The following FBN2 variants were observed in gnomAD, a reference collection of about 807,000 sequenced individuals.
FBN2 encodes fibrillin-2.
In FBN2, 105 loss-of-function variants were observed where a neutral mutation model predicts 355.6. The observed-to-expected ratio is 0.30, with a 90% CI of 0.25 to 0.35. FBN2 has a LOEUF of 0.35. Among genes scored for constraint, FBN2 ranks in the 10% least tolerant of loss-of-function variants. The pLI is 1.00. For missense variants in FBN2, 3,280 were observed against 3,758.7 expected, an observed-to-expected ratio of 0.87 and a Z score of 3.33; for synonymous variants, 1,350 against 1,301.2, an observed-to-expected ratio of 1.04 and a Z score of -0.81.
chr5:128,340,151 A>G (rs1245349201), intron 25 of FBN2, among the ~76,000 whole-genome samples: 5 of 152,222 alleles, frequency 3.3e-5, no homozygotes, highest in South Asian at 2.1e-4. Context: ...CCTATTTACA[A>G]ATGTTTTAGT....
chr5:128,315,147 TTTTAAG>T (rs1750167378), intron 36 of FBN2, among the ~76,000 whole-genome samples: 1 of 152,200 alleles, frequency 6.6e-6, no homozygotes, highest in East Asian at 1.9e-4. Flanking sequence ...TTTTTAATAT[TTTTAAG>T]TCATTTTAAA....
chr5:128,537,581 C>T lies in FBN2; in HGVS notation c.23G>A (p.Cys8Tyr). Reference protein sequence around the residue: MGRRRRLCLQLYFLWLGC... With the variant: MGRRRRLYLQLYFLWLGC... The stretch of plus-strand genomic sequence containing the variant: ...CAGCCACAGGAAGTAGAGCTGGAGA[C>T]ACAGCCTCCGTCTTCTCCCCATCGC... Residue 8 changes from cysteine (C) to tyrosine (Y), a missense_variant, in exon 1 of 65, where the codon TGT becomes TAT. Transcript: ENST00000262464. 1 of 1,607,314 alleles carries T rather than the reference C, an allele frequency of 6.2e-7. No homozygotes were observed. Among genetic ancestry groups the T allele is most frequent in the Non-Finnish European group, 8.5e-7 (1 of 1,178,188 alleles).
At chr5:128,351,128 A>G (rs1435971144) in intron 20 of FBN2, 123 bp from the exon 21 acceptor site, 2 of 1,189,250 alleles carry the variant, frequency 1.7e-6, no homozygotes, top group Non-Finnish European at 2.5e-6. Flanking sequence ...CACGCCTGTA[A>G]TCCCAGCACT....
At chr5:128,499,123 T>C (rs1561486412) in intron 5 of FBN2, among the ~76,000 whole-genome samples, 1 of 152,122 alleles carries the variant, frequency 6.6e-6, no homozygotes, top group Non-Finnish European at 1.5e-5. Flanking sequence ...AACCTTAACA[T>C]AAAGTTGACT....
Position 128,263,555 on chromosome 5 carries a change from G to C in FBN2, c.8062C>G (p.Gln2688Glu), listed in dbSNP as rs539853433. 4 of 1,614,028 alleles carry C rather than the reference G, an allele frequency of 2.5e-6. No homozygotes were observed. The African/African-American group carries it at 5.3e-5, about 22-fold the overall frequency. ...ACGTCGTGGCAGGCACTGGAGAACT[G>C]GTCGAAGGAGAACCCCGAGGGGCAG... is the stretch of plus-strand genomic sequence containing the variant. ...CACPSGFSFDQFSSACHDVNE... is the reference protein window; with the variant it reads ...CACPSGFSFDEFSSACHDVNE... The change falls in exon 63 of 65, where the codon CAG (glutamine) becomes GAG (glutamate). Residue 2688 changes from glutamine to glutamate, a missense_variant. Gln to Glu is a conservative substitution (Grantham distance 29). This residue lies in a region of FBN2 where 311 missense variants were observed against 319.1 expected (regional missense o/e 0.97). Transcript: ENST00000262464.
chr5:128,438,764 T>A (rs1280137046), intron 7 of FBN2, among the ~76,000 whole-genome samples: 1 of 152,168 alleles, frequency 6.6e-6, no homozygotes, highest in Non-Finnish European at 1.5e-5. Context: ...AAATGGGTCT[T>A]CCCACCCCCA....
chr5:128,295,287 T>C, intron 48 of FBN2, among the ~76,000 whole-genome samples: 1 of 152,076 alleles, frequency 6.6e-6, no homozygotes, highest in Non-Finnish European at 1.5e-5. Flanking sequence ...CCAGCTTTGT[T>C]CTTTTGGCTC....
intron 7 of FBN2, among the ~76,000 whole-genome samples, chr5:128,420,013 T>C (rs1290534175): frequency 6.6e-6 from 1 of 152,172 alleles, no homozygotes; most frequent in East Asian, 1.9e-4. Context: ...CTTCTTTTTA[T>C]ATGGGGTTAA....
rs1355380467 is a variant in FBN2, at chr5:128,319,051, A to G, written c.4472-50T>C. 5 of 1,456,404 alleles carry G rather than the reference A, an allele frequency of 3.4e-6. No homozygotes were observed. The East Asian group carries it at 9.3e-5, about 27-fold the overall frequency. The allele number at this position is 1,456,404 out of a possible 1,614,324, so 90.2% of individuals were successfully genotyped here. On this transcript the variant is annotated intron_variant, in intron 34 of 64. Coordinates refer to ENST00000262464, the MANE Select transcript of FBN2 (RefSeq NM_001999.4). ...CTCTTATTTAAGAAGACATTTTAAA[A>G]TTTTAATGTAATGTCTAACATTAGC...
At chr5:128,436,992 T>C (rs968903530) in intron 7 of FBN2, among the ~76,000 whole-genome samples, 1 of 152,136 alleles carries the variant, frequency 6.6e-6, no homozygotes, top group East Asian at 1.9e-4. Context: ...CATGCTAACA[T>C]TGCTATGACC....
chr5:128,472,764 C>T (rs934705504), intron 5 of FBN2, among the ~76,000 whole-genome samples: 4 of 150,742 alleles, frequency 2.7e-5, no homozygotes, highest in Non-Finnish European at 5.9e-5. Context: ...GCACTCCAGC[C>T]TGGGCAACAA....
intron 7 of FBN2, among the ~76,000 whole-genome samples, chr5:128,436,334 G>C (rs1448580317): frequency 6.6e-6 from 1 of 152,110 alleles, no homozygotes; most frequent in Non-Finnish European, 1.5e-5. Flanking sequence ...CTAAAAATCA[G>C]ACTAAAAATA....
intron 15 of FBN2, chr5:128,371,068 A>G (rs1309723070): frequency 2.6e-5 from 4 of 152,126 alleles, no homozygotes; most frequent in Admixed American, 2.6e-4. Context: ...AAAAATGGTG[A>G]CCACCTTATT....
chr5:128,490,947 G>C (rs1755486692), intron 5 of FBN2, among the ~76,000 whole-genome samples: 1 of 152,100 alleles, frequency 6.6e-6, no homozygotes, highest in African/African-American at 2.4e-5. Context: ...TCCAAGTACA[G>C]AGTGCTCTTG....
intron 5 of FBN2, among the ~76,000 whole-genome samples, chr5:128,467,977 G>A (rs548351117): frequency 1.6e-4 from 24 of 152,200 alleles, no homozygotes; most frequent in African/African-American, 3.9e-4. Context: ...TGTAATTTAC[G>A]TACCATAATT....
chr5:128,374,167 G>T (rs1348549432), intron 15 of FBN2, among the ~76,000 whole-genome samples: 2 of 151,854 alleles, frequency 1.3e-5, no homozygotes, highest in Admixed American at 6.6e-5. Context: ...TTCTGAAGGG[G>T]GCTATCTGGG....
At chr5:128,331,066 A>G (rs1000654942) in intron 32 of FBN2, among the ~76,000 whole-genome samples, 3 of 152,232 alleles carry the variant, frequency 2.0e-5, no homozygotes, top group African/African-American at 7.2e-5. Flanking sequence ...AAATTAACAA[A>G]GAGTTTTTAA....
At chr5:128,315,836 T>C (rs938462384) in intron 36 of FBN2, among the ~76,000 whole-genome samples, 1 of 152,204 alleles carries the variant, frequency 6.6e-6, no homozygotes, top group African/African-American at 2.4e-5. Flanking sequence ...TGTATTTCCT[T>C]TGTCTACGGA....
intron 39 of FBN2, 146 bp from the exon 40 acceptor site, chr5:128,310,254 A>G (rs1026114734): frequency 1.5e-6 from 1 of 679,430 alleles, no homozygotes; most frequent in East Asian, 2.9e-5. Flanking sequence ...CCAAATATGC[A>G]TTTATATAAC....
Sources: gnomAD v4.1 joint callset for allele counts (sites outside exome capture counted in the v4.1 genomes callset) on GRCh38, gnomAD v4.1.1 for gene constraint, gnomAD v4.1.1 regional missense constraint, MANE v1.5 for transcripts, NCBI Gene and HGNC (gene_info 2026-07-23, HGNC 2026-07-21) for gene names.